SLC7A14: variants seen among roughly 807,000 people sequenced by gnomAD.
The protein encoded by SLC7A14 is solute carrier family 7 member 14, also known as gamma-aminobutyric acid transporter SLC7A14.
SLC7A14 carries 37 observed loss-of-function variants against 60.2 expected under a neutral mutation model. That is an observed-to-expected ratio of 0.61 (90% confidence interval 0.47 to 0.81). SLC7A14 has a LOEUF of 0.81. Ranked by LOEUF, SLC7A14 falls within the 30% of genes least tolerant of loss-of-function variation. The probability of loss-of-function intolerance (pLI) is 0.00; values close to 1 mark genes in which losing one functional copy is unlikely to be tolerated. For missense variants in SLC7A14, 886 were observed against 982.7 expected, an observed-to-expected ratio of 0.90 and a Z score of 1.32; for synonymous variants, 399 against 395.8, an observed-to-expected ratio of 1.01 and a Z score of -0.10.
Position 170,461,620 on chromosome 3 carries a change from C to G in SLC7A14, c.*5435G>C, listed in dbSNP as rs1739604696. The G allele has an allele frequency of 6.6e-6, 1 of 152,338 alleles. No individual in the cohort carries two copies. The highest frequency in any genetic ancestry group is 6.5e-5 in the Admixed American group (1 of 15,286). 9.4% of individuals were successfully genotyped at this position (152,338 alleles called of 1,614,324 possible). Reference sequence around the variant, plus strand: ...AGTAAACTCCTTGGTGAAACTTCAGCTTTCTGGTTCCTGCGTGTGGTGGGG... The same window carrying G: ...AGTAAACTCCTTGGTGAAACTTCAGGTTTCTGGTTCCTGCGTGTGGTGGGG... On this transcript the variant is annotated 3_prime_UTR_variant, in exon 8 of 8. Transcript: ENST00000231706.
chr3:170,466,825 T>G lies in SLC7A14; in HGVS notation c.*230A>C. The G allele has an allele frequency of 2.2e-6, 1 of 463,090 alleles. No individual in the cohort carries two copies. Among genetic ancestry groups the G allele is most frequent in the Non-Finnish European group, 3.8e-6 (1 of 263,364 alleles). 28.7% of individuals were successfully genotyped at this position (463,090 alleles called of 1,614,324 possible). ...GATGGAATTTCATATAGCCTCTTGT[T>G]TATTTATTTATTTTATTTAACAAGG... On this transcript the variant is annotated 3_prime_UTR_variant, in exon 8 of 8. Transcript: ENST00000231706.
chr3:170,488,001 T>C (rs927069896), intron 4 of SLC7A14, among the ~76,000 whole-genome samples: 5 of 152,194 alleles, frequency 3.3e-5, no homozygotes, highest in Admixed American at 3.3e-4. Flanking sequence ...ATGATAGTTA[T>C]TACACATAGA....
intron 1 of SLC7A14, among the ~76,000 whole-genome samples, chr3:170,554,499 TCTC>T (rs2108306822): frequency 6.6e-6 from 1 of 152,282 alleles, no homozygotes; most frequent in Non-Finnish European, 1.5e-5. Context: ...CTGGGTGGCT[TCTC>T]CTTCATCTCC....
chr3:170,519,823 C>T (rs963662549), intron 2 of SLC7A14, among the ~76,000 whole-genome samples: 8 of 152,184 alleles, frequency 5.3e-5, no homozygotes, highest in African/African-American at 1.9e-4. Flanking sequence ...GGTAAGGAAT[C>T]ACCTGCCCCA....
intron 1 of SLC7A14, among the ~76,000 whole-genome samples, chr3:170,560,368 A>G (rs971383193): frequency 1.3e-5 from 2 of 152,174 alleles, no homozygotes; most frequent in African/African-American, 2.4e-5. Flanking sequence ...AGTATAAATA[A>G]TATGTATTTT....
chr3:170,528,291 A>G (rs554946125), intron 1 of SLC7A14, among the ~76,000 whole-genome samples: 2 of 152,346 alleles, frequency 1.3e-5, no homozygotes, highest in South Asian at 4.1e-4. Flanking sequence ...GGTAATTTCT[A>G]AAGTTTAGTA....
intron 2 of SLC7A14, among the ~76,000 whole-genome samples, chr3:170,522,291 C>A (rs1364325986): frequency 6.6e-6 from 1 of 152,198 alleles, no homozygotes; most frequent in Non-Finnish European, 1.5e-5. Context: ...CTCCTAAGTA[C>A]TTACTTGAGA....
intron 4 of SLC7A14, among the ~76,000 whole-genome samples, chr3:170,486,778 A>G (rs1011051898): frequency 2.6e-5 from 4 of 151,454 alleles, no homozygotes; most frequent in Non-Finnish European, 4.4e-5. Flanking sequence ...AGGCTGAGGC[A>G]GGAGAATTGC....
At chr3:170,476,413 C>A (rs1711617421) in intron 7 of SLC7A14, among the ~76,000 whole-genome samples, 1 of 152,222 alleles carries the variant, frequency 6.6e-6, no homozygotes, top group Non-Finnish European at 1.5e-5. Context: ...TGTTGAACTG[C>A]AGACTTCTGT....
At chr3:170,481,699 C>T (rs2108269446) in intron 6 of SLC7A14, among the ~76,000 whole-genome samples, 1 of 152,292 alleles carries the variant, frequency 6.6e-6, no homozygotes, top group South Asian at 2.1e-4. Context: ...TGTGCCTAGA[C>T]TAGTTCTTTG....
At chr3:170,477,882 G>A (rs1320552955) in intron 7 of SLC7A14, among the ~76,000 whole-genome samples, 1 of 152,152 alleles carries the variant, frequency 6.6e-6, no homozygotes, top group African/African-American at 2.4e-5. Context: ...AGCTTTAATA[G>A]TCTATGAATA....
At chr3:170,485,903 T>C (rs942462510) in intron 5 of SLC7A14, among the ~76,000 whole-genome samples, 2 of 152,148 alleles carry the variant, frequency 1.3e-5, no homozygotes, top group African/African-American at 4.8e-5. Flanking sequence ...CACCCGTTAC[T>C]GCCAGCCTAT....
chr3:170,486,782 GAATTGCTTGAACCC>G (rs1270733051), intron 4 of SLC7A14, among the ~76,000 whole-genome samples: 17 of 151,076 alleles, frequency 1.1e-4, no homozygotes. Flanking sequence ...TGAGGCAGGA[GAATTGCTTGAACCC>G]AGGAGGCAGA....
intron 1 of SLC7A14, among the ~76,000 whole-genome samples, chr3:170,537,153 T>C (rs577465076): frequency 1.3e-5 from 2 of 152,350 alleles, no homozygotes; most frequent in East Asian, 1.9e-4. Context: ...ACAGATTTGA[T>C]ATTTTACAGC....
intron 5 of SLC7A14, among the ~76,000 whole-genome samples, chr3:170,485,726 G>A (rs1712005412): frequency 1.3e-5 from 2 of 152,108 alleles, no homozygotes; most frequent in Admixed American, 6.5e-5. Flanking sequence ...TGAAAGAAAT[G>A]GCACTTTCCT....
chr3:170,541,628 T>G (rs534736921), intron 1 of SLC7A14, among the ~76,000 whole-genome samples: 1 of 152,214 alleles, frequency 6.6e-6, no homozygotes, highest in Non-Finnish European at 1.5e-5. Flanking sequence ...ACATGAGAAA[T>G]TACTCAGGAT....
At chr3:170,577,993 A>G (rs1715142799) in intron 1 of SLC7A14, among the ~76,000 whole-genome samples, 1 of 152,260 alleles carries the variant, frequency 6.6e-6, no homozygotes, top group Non-Finnish European at 1.5e-5. Context: ...CCAGGAAATG[A>G]CACTCTGGGA....
intron 1 of SLC7A14, among the ~76,000 whole-genome samples, chr3:170,577,122 G>A (rs1278551855): frequency 5.9e-5 from 9 of 152,190 alleles, no homozygotes; most frequent in African/African-American, 2.2e-4. Flanking sequence ...TTAACAAGGA[G>A]CTTTAATTAA....
At chr3:170,488,238 C>T (rs546575465) in intron 4 of SLC7A14, among the ~76,000 whole-genome samples, 1 of 152,284 alleles carries the variant, frequency 6.6e-6, no homozygotes, top group South Asian at 2.1e-4. Context: ...AACTCCTGGT[C>T]TATTCTAATA....
Sources: allele counts gnomAD v4.1 joint callset (sites outside exome capture counted in the v4.1 genomes callset), GRCh38; gene constraint gnomAD v4.1.1; transcripts MANE v1.5; gene names NCBI Gene and HGNC (gene_info 2026-07-23, HGNC 2026-07-21).